GALNT13: variants seen among roughly 807,000 people sequenced by gnomAD.
The protein encoded by GALNT13 is polypeptide N-acetylgalactosaminyltransferase 13, also known as UDP-GalNAc:polypeptide N-acetylgalactosaminyltransferase 13.
Under a neutral mutation model 64.2 loss-of-function variants are expected in GALNT13, and 28 were observed. That is an observed-to-expected ratio of 0.44 (90% CI 0.32 to 0.60). The LOEUF is 0.60. Ranked by LOEUF, GALNT13 falls within the 20% of genes least tolerant of loss-of-function variation. The probability of loss-of-function intolerance (pLI) is 0.05; values close to 1 mark genes in which losing one functional copy is unlikely to be tolerated. For synonymous variants in GALNT13, 214 were observed against 224.6 expected (o/e 0.95, Z 0.42); for missense variants, 577 against 669.8 (o/e 0.86, Z 1.53).
chr2:153,277,039 A>G, the GALNT13 span, among the ~76,000 whole-genome samples: 2 of 152,310 alleles, frequency 1.3e-5, no homozygotes, highest in Admixed American at 6.5e-5. Context: ...CAATAATAAG[A>G]TAATTTTTAA....
the GALNT13 span, among the ~76,000 whole-genome samples, chr2:153,350,104 G>A: frequency 5.9e-5 from 9 of 152,030 alleles, no homozygotes; most frequent in Non-Finnish European, 1.2e-4. Flanking sequence ...TGTAATCTAG[G>A]AGTGGCTGTA....
At chr2:153,309,346 C>T in the GALNT13 span, among the ~76,000 whole-genome samples, 1 of 152,112 alleles carries the variant, frequency 6.6e-6, no homozygotes, top group Non-Finnish European at 1.5e-5. Flanking sequence ...CCAGAATTAC[C>T]TTTCTATAAC....
intron 9 of GALNT13, among the ~76,000 whole-genome samples, chr2:154,394,514 A>G (rs577264220): frequency 1.5e-3 from 232 of 152,282 alleles, no homozygotes; most frequent in Middle Eastern, 3.4e-3. Context: ...TGACTATTGA[A>G]TTAAGTCCTC....
At chr2:153,575,355 T>C in the GALNT13 span, among the ~76,000 whole-genome samples, 500 of 152,316 alleles carry the variant, frequency 3.3e-3, 1 homozygote, top group African/African-American at 0.011. Context: ...CAAGATCTGC[T>C]GTAAACCACG....
At chr2:154,456,382 A>G (rs1200607585), downstream of GALNT13, among the ~76,000 whole-genome samples, 1 of 152,092 alleles carries the variant, frequency 6.6e-6, no homozygotes, top group Non-Finnish European at 1.5e-5. Context: ...GTAAATTTAA[A>G]TATTCATACA....
At chr2:153,585,577 A>G in the GALNT13 span, among the ~76,000 whole-genome samples, 1 of 152,318 alleles carries the variant, frequency 6.6e-6, no homozygotes, top group African/African-American at 2.4e-5. Context: ...AGGGAGCTCA[A>G]TGATCCCCAG....
chr2:154,264,586 G>A (rs1320411492), intron 8 of GALNT13, among the ~76,000 whole-genome samples: 2 of 151,880 alleles, frequency 1.3e-5, no homozygotes, highest in East Asian at 1.9e-4. Flanking sequence ...GCAGTGAGCC[G>A]AGATCATGAC....
the GALNT13 span, among the ~76,000 whole-genome samples, chr2:153,365,758 G>A: frequency 1.3e-5 from 2 of 152,132 alleles, no homozygotes; most frequent in African/African-American, 2.4e-5. Flanking sequence ...ATCCTAGCAA[G>A]GCTGTGGAGA....
chr2:153,098,043 G>T, the GALNT13 span, among the ~76,000 whole-genome samples: 1 of 152,186 alleles, frequency 6.6e-6, no homozygotes, highest in Admixed American at 6.5e-5. Context: ...TCCAGCCTGG[G>T]CAACAGAGTG....
At chr2:153,403,756 C>G in the GALNT13 span, among the ~76,000 whole-genome samples, 1 of 152,166 alleles carries the variant, frequency 6.6e-6, no homozygotes, top group Non-Finnish European at 1.5e-5. Flanking sequence ...TTGCGCTTCC[C>G]AAGTGAGGCA....
intron 8 of GALNT13, among the ~76,000 whole-genome samples, chr2:154,290,544 C>T (rs1692547777): frequency 2.0e-5 from 3 of 152,138 alleles, no homozygotes; most frequent in Admixed American, 6.5e-5. Context: ...TATGTAGGTT[C>T]CCAGATACTG....
chr2:154,301,781 C>A (rs891258066), intron 9 of GALNT13, among the ~76,000 whole-genome samples, 192 bp downstream of exon 9: 1 of 151,922 alleles, frequency 6.6e-6, no homozygotes, highest in Non-Finnish European at 1.5e-5. Flanking sequence ...GTATTTCAAA[C>A]ACCTAAATAT....
At chr2:154,423,288 C>T (rs959768323) in intron 11 of GALNT13, among the ~76,000 whole-genome samples, 10 of 152,144 alleles carry the variant, frequency 6.6e-5, no homozygotes, top group African/African-American at 2.4e-4. Flanking sequence ...ATATGTGCCA[C>T]ATTTTCTTAA....
chr2:153,509,254 A>G, the GALNT13 span, among the ~76,000 whole-genome samples: 1 of 152,222 alleles, frequency 6.6e-6, no homozygotes, highest in African/African-American at 2.4e-5. Context: ...GTCAGCAGCC[A>G]TGGCTGGGCA....
chr2:154,028,288 A>T (rs1698113792), intron 3 of GALNT13, among the ~76,000 whole-genome samples: 1 of 152,170 alleles, frequency 6.6e-6, no homozygotes, highest in African/African-American at 2.4e-5. Context: ...CTAAGAAAAT[A>T]AATTTGGTTA....
At chr2:153,394,682 A>G in the GALNT13 span, among the ~76,000 whole-genome samples, 1 of 152,196 alleles carries the variant, frequency 6.6e-6, no homozygotes, top group African/African-American at 2.4e-5. Context: ...AGGTACTGCC[A>G]TGTTAAATAC....
chr2:153,832,573 T>A, the GALNT13 span, among the ~76,000 whole-genome samples: 1 of 152,172 alleles, frequency 6.6e-6, no homozygotes, highest in Admixed American at 6.5e-5. Flanking sequence ...GCTAACAGAT[T>A]TCAATATGAA....
At chr2:154,298,516 T>TATAA (rs1267383182) in intron 8 of GALNT13, among the ~76,000 whole-genome samples, 15 of 105,294 alleles carry the variant, frequency 1.4e-4, no homozygotes, top group East Asian at 1.3e-3. Context: ...ATAAATTATA[T>TATAA]ATTATATATA....
the GALNT13 span, among the ~76,000 whole-genome samples, chr2:153,372,856 G>A: frequency 6.6e-6 from 1 of 152,196 alleles, no homozygotes; most frequent in East Asian, 1.9e-4. Flanking sequence ...ATTGATGCTT[G>A]AACTATCTTT....
Sources: gnomAD v4.1 joint callset for allele counts (sites outside exome capture counted in the v4.1 genomes callset) on GRCh38, gnomAD v4.1.1 for gene constraint, MANE v1.5 for transcripts, NCBI Gene and HGNC (gene_info 2026-07-23, HGNC 2026-07-21) for gene names.